The following TAF12 variants were observed in gnomAD, a reference collection of about 807,000 sequenced individuals.
TAF12 encodes the protein transcription initiation factor TFIID subunit 12.
TAF12 carries 3 observed loss-of-function variants against 20.8 expected under a neutral mutation model. The observed-to-expected ratio is 0.14, with a 90% CI of 0.07 to 0.37. The LOEUF is 0.37. Ranked by LOEUF, TAF12 falls within the 10% of genes least tolerant of loss-of-function variation. The probability of loss-of-function intolerance (pLI) is 1.00; values close to 1 mark genes in which losing one functional copy is unlikely to be tolerated. For missense variants in TAF12, 131 were observed against 197.9 expected (o/e 0.66, Z 2.03); for synonymous variants, 69 against 70.2 (o/e 0.98, Z 0.09).
chr1:28,612,461 TTATATA>T (rs1666892833), intron 4 of TAF12, among the ~76,000 whole-genome samples: 1 of 146,066 alleles, frequency 6.8e-6, no homozygotes, highest in African/African-American at 2.5e-5. Flanking sequence ...ATATATATAT[TTATATA>T]TATAAAGTAT....
At chr1:28,611,202 TAG>T (rs368798163) in intron 4 of TAF12, among the ~76,000 whole-genome samples, 331 of 150,028 alleles carry the variant, frequency 2.2e-3, no homozygotes, top group African/African-American at 7.7e-3. Context: ...TGAGACCATA[TAG>T]AGAGACGGTG....
Position 28,635,224 on chromosome 1 carries a change from C to T in TAF12, c.-85+7768G>A, listed in dbSNP as rs1484875739. 2.0e-5 allele frequency among the ~76,000 whole-genome samples: 3 copies of T among 149,508 alleles called. No homozygotes were observed. In the Admixed American group the frequency reaches 2.0e-4, roughly 10 times the overall value. Reference sequence around the variant, plus strand: ...CAGCCTGGGCGACAGAGCAAGACTCCGTCTCAAATAAATAAATAAATAAAT... The same window carrying T: ...CAGCCTGGGCGACAGAGCAAGACTCTGTCTCAAATAAATAAATAAATAAAT... On this transcript the variant is annotated intron_variant, in intron 1 of 5. Coordinates refer to ENST00000373824, the MANE Select transcript of TAF12 (RefSeq NM_005644.4).
intron 1 of TAF12, among the ~76,000 whole-genome samples, chr1:28,634,463 G>A (rs1169182135): frequency 1.3e-5 from 2 of 150,662 alleles, no homozygotes; most frequent in Non-Finnish European, 2.9e-5. Context: ...CATTAACTGT[G>A]GGACAGTTTG....
intron 3 of TAF12, among the ~76,000 whole-genome samples, chr1:28,616,671 G>A (rs959668760): frequency 4.0e-5 from 6 of 151,320 alleles, no homozygotes; most frequent in Non-Finnish European, 7.4e-5. Flanking sequence ...GGGATGCAGA[G>A]GTTGCGGTAA....
At position 28,621,920 on chromosome 1, in the gene TAF12, G is replaced by A; in HGVS notation, c.162C>T (p.Asn54=). 3 of 1,613,238 alleles carry A rather than the reference G, an allele frequency of 1.9e-6. No homozygotes were observed. Among genetic ancestry groups the A allele is most frequent in the Non-Finnish European group, 2.5e-6 (3 of 1,179,786 alleles). The stretch of plus-strand genomic sequence containing the variant: ...AAGAGTAAGAGGATGATACCTGATT[G>A]TTTTCAGGGCTAAGACGACCTCCTG... The part of the protein sequence containing the change: ...PGAGGRLSPE[N]NQVLTKKKLQ... Residue 54 remains asparagine, a synonymous_variant, in exon 2 of 6, where the codon AAC becomes AAT. Transcript: ENST00000373824.
chr1:28,628,144 G>A (rs1667482491), intron 1 of TAF12, among the ~76,000 whole-genome samples: 1 of 147,826 alleles, frequency 6.8e-6, no homozygotes, highest in Non-Finnish European at 1.5e-5. Flanking sequence ...AGGAAAACCT[G>A]AGCTCGAGAC....
intron 2 of TAF12, among the ~76,000 whole-genome samples, chr1:28,620,675 C>T (rs542168576): frequency 1.3e-5 from 2 of 152,076 alleles, no homozygotes; most frequent in South Asian, 2.1e-4. Flanking sequence ...CCTCGTGATC[C>T]GCCCACCTCG....
At chr1:28,625,564 C>G (rs965829075) in intron 1 of TAF12, among the ~76,000 whole-genome samples, 1 of 135,614 alleles carries the variant, frequency 7.4e-6, no homozygotes, top group Non-Finnish European at 1.5e-5. Context: ...TTTTTTGAGA[C>G]GGAGTCTCGC....
chr1:28,642,510 T>C (rs990768388), intron 1 of TAF12: 7 of 464,350 alleles, frequency 1.5e-5, no homozygotes, highest in Admixed American at 6.4e-5. Context: ...TTCTGTTCCC[T>C]TCCAAACTCA....
chr1:28,624,993 C>T (rs1176532994), intron 1 of TAF12, among the ~76,000 whole-genome samples: 2 of 152,050 alleles, frequency 1.3e-5, no homozygotes, highest in South Asian at 4.1e-4. Flanking sequence ...AGGATAGAAA[C>T]CTTTCTTAAC....
chr1:28,624,828 T>A (rs1477785488), intron 1 of TAF12, among the ~76,000 whole-genome samples: 1 of 152,092 alleles, frequency 6.6e-6, no homozygotes, highest in Non-Finnish European at 1.5e-5. Flanking sequence ...TAAAGGCAAC[T>A]AAGTATGTAC....
At chr1:28,629,163 A>T (rs1215031751) in intron 1 of TAF12, among the ~76,000 whole-genome samples, 1 of 152,194 alleles carries the variant, frequency 6.6e-6, no homozygotes, top group Non-Finnish European at 1.5e-5. Flanking sequence ...CTGATAACAG[A>T]GGGAGGTGGG....
At chr1:28,618,173 G>A (rs978120549) in intron 2 of TAF12, 143 bp from the exon 3 acceptor site, 10 of 690,868 alleles carry the variant, frequency 1.4e-5, no homozygotes, top group Non-Finnish European at 2.2e-5. Context: ...ACCTGACTAT[G>A]CTGCTGTAAG....
At chr1:28,609,779 G>A (rs1395808901) in intron 4 of TAF12, among the ~76,000 whole-genome samples, 1 of 151,998 alleles carries the variant, frequency 6.6e-6, no homozygotes, top group Non-Finnish European at 1.5e-5. Flanking sequence ...GAGCCACCGT[G>A]TCTGGCCCCA....
In TAF12 at chr1:28,622,121, G is replaced by A. The variant is rs766374685; in HGVS notation, c.-40C>T. ...TGGACTTCAGCTCATAGAGCTTATC[G>A]AGATCCTGTTTCTTTTTGGAGCTGT... is the stretch of plus-strand genomic sequence containing the variant. On this transcript the variant is annotated 5_prime_UTR_variant, in exon 2 of 6. Transcript: ENST00000373824. The A allele has an allele frequency of 7.0e-6, 11 of 1,570,444 alleles. No individual in the cohort carries two copies. In the South Asian group the frequency reaches 7.1e-5, roughly 10 times the overall value.
At chr1:28,623,112 G>A (rs2124341984) in intron 1 of TAF12, among the ~76,000 whole-genome samples, 1 of 152,216 alleles carries the variant, frequency 6.6e-6, no homozygotes, top group Non-Finnish European at 1.5e-5. Flanking sequence ...GGAGGCTAAG[G>A]CAGGAGGATT....
At chr1:28,642,728 C>G in intron 1 of TAF12, 1 of 985,484 alleles carries the variant, frequency 1.0e-6, no homozygotes, top group East Asian at 1.1e-4. Context: ...TCCTCATAAT[C>G]CTGCTCCTCT....
intron 4 of TAF12, 61 bp downstream of exon 4, chr1:28,613,186 T>G (rs1049701069): frequency 4.2e-6 from 6 of 1,435,892 alleles, no homozygotes; most frequent in Non-Finnish European, 4.7e-6. Context: ...GACTACACTT[T>G]CCCTGGCAGT....
chr1:28,619,920 T>C (rs190588450), intron 2 of TAF12, among the ~76,000 whole-genome samples: 264 of 148,592 alleles, frequency 1.8e-3, no homozygotes, highest in Middle Eastern at 3.4e-3. Flanking sequence ...TTGCACTCCA[T>C]CCTGGGTGAT....
Sources: gnomAD v4.1 joint callset for allele counts (sites outside exome capture counted in the v4.1 genomes callset) on GRCh38, gnomAD v4.1.1 for gene constraint, MANE v1.5 for transcripts, NCBI Gene and HGNC (gene_info 2026-07-23, HGNC 2026-07-21) for gene names.